The following ARHGEF26 variants were observed in gnomAD, a reference collection of about 807,000 sequenced individuals.
The protein encoded by ARHGEF26 is Rho guanine nucleotide exchange factor 26.
In ARHGEF26, 59 loss-of-function variants were observed where a neutral mutation model predicts 89.4. The observed-to-expected ratio is 0.66, with a 90% CI of 0.54 to 0.82. The LOEUF is 0.82. Ranked by LOEUF, ARHGEF26 falls within the 40% of genes least tolerant of loss-of-function variation. The probability of loss-of-function intolerance (pLI) is 0.00; values close to 1 mark genes in which losing one functional copy is unlikely to be tolerated. For synonymous variants in ARHGEF26, 500 were observed against 428.4 expected, an observed-to-expected ratio of 1.17 and a Z score of -2.06; for missense variants, 1,234 against 1,085.6, an observed-to-expected ratio of 1.14 and a Z score of -1.92.
At chr3:154,201,690 G>A (rs1714651596) in intron 9 of ARHGEF26, among the ~76,000 whole-genome samples, 1 of 151,448 alleles carries the variant, frequency 6.6e-6, no homozygotes, top group South Asian at 2.1e-4. Flanking sequence ...TTTAATGATT[G>A]CCATTCTAAC....
chr3:154,214,228 T>C (rs1026245497), intron 9 of ARHGEF26, among the ~76,000 whole-genome samples: 1 of 152,178 alleles, frequency 6.6e-6, no homozygotes, highest in African/African-American at 2.4e-5. Context: ...AGGGAGCCTT[T>C]TAAGGATTTC....
chr3:154,189,837 T>C (rs905461631), intron 7 of ARHGEF26, among the ~76,000 whole-genome samples: 2 of 151,776 alleles, frequency 1.3e-5, no homozygotes, highest in Non-Finnish European at 2.9e-5. Context: ...GTTTTTGTTT[T>C]TTTTTTTTAA....
intron 12 of ARHGEF26, among the ~76,000 whole-genome samples, chr3:154,245,867 G>C (rs976074971): frequency 1.3e-5 from 2 of 152,174 alleles, no homozygotes; most frequent in Non-Finnish European, 2.9e-5. Context: ...ACCATACGGA[G>C]ATCAGATCTC....
At chr3:154,210,312 G>A (rs1448937727) in intron 9 of ARHGEF26, among the ~76,000 whole-genome samples, 1 of 151,906 alleles carries the variant, frequency 6.6e-6, no homozygotes, top group Non-Finnish European at 1.5e-5. Flanking sequence ...ATAGTACCTG[G>A]GTATCCAAGC....
At chr3:154,230,610 T>G (rs1716773608) in intron 11 of ARHGEF26, among the ~76,000 whole-genome samples, 1 of 152,162 alleles carries the variant, frequency 6.6e-6, no homozygotes, top group Non-Finnish European at 1.5e-5. Flanking sequence ...TTGTGAGTTT[T>G]CCTCTGCCAT....
chr3:154,226,660 T>TACACACACACACACACACAC (rs3029724), intron 11 of ARHGEF26, among the ~76,000 whole-genome samples: 134 of 148,148 alleles, frequency 9.0e-4, no homozygotes, highest in South Asian at 2.2e-3. Flanking sequence ...GTTTCTGTTC[T>TACACACACACACACACACAC]ACACACACAC....
chr3:154,208,425 T>G (rs925696112), intron 9 of ARHGEF26, among the ~76,000 whole-genome samples: 2 of 152,190 alleles, frequency 1.3e-5, no homozygotes, highest in African/African-American at 4.8e-5. Context: ...GTAGTCTTTT[T>G]TGGGTTAAAT....
intron 6 of ARHGEF26, among the ~76,000 whole-genome samples, chr3:154,168,901 G>T (rs1712223191): frequency 9.1e-6 from 1 of 109,524 alleles, no homozygotes; most frequent in Admixed American, 8.6e-5. Flanking sequence ...ACTTTATTTT[G>T]TCCACTTAGA....
chr3:154,195,147 G>A (rs984704473), intron 9 of ARHGEF26, among the ~76,000 whole-genome samples: 1 of 152,206 alleles, frequency 6.6e-6, no homozygotes, highest in African/African-American at 2.4e-5. Flanking sequence ...TGGGTGATGT[G>A]ATAGGGAAGT....
At chr3:154,200,604 G>C (rs545610284) in intron 9 of ARHGEF26, among the ~76,000 whole-genome samples, 19 of 151,876 alleles carry the variant, frequency 1.3e-4, no homozygotes, top group African/African-American at 4.6e-4. Flanking sequence ...AATGTCATTG[G>C]TATTTTGTTA....
Position 154,152,835 on chromosome 3 carries a change from A to G in ARHGEF26, c.1390A>G (p.Met464Val). The G allele has an allele frequency of 6.3e-7, 1 of 1,576,860 alleles. No homozygotes were observed. The highest frequency in any genetic ancestry group is 8.6e-7 in the Non-Finnish European group (1 of 1,160,188). Residue 464 changes from methionine (M) to valine (V), a missense_variant, in exon 6 of 15, where the codon ATG becomes GTG. Transcript: ENST00000465093. ...ACTCAGCTTGGAGATCTTGATACGA[A>G]TGTTTAAAAATTCTAAAGAACTGAG... The part of the protein sequence containing the change: ...YLLSLEILIR[M>V]FKNSKELSDT...
chr3:154,151,315 G>T (rs1316541762), intron 5 of ARHGEF26, among the ~76,000 whole-genome samples: 1 of 152,134 alleles, frequency 6.6e-6, no homozygotes, highest in Non-Finnish European at 1.5e-5. Context: ...TTAAAATGTT[G>T]AATTCAGCAA....
chr3:154,224,879 A>T (rs1716392521), intron 10 of ARHGEF26, among the ~76,000 whole-genome samples: 1 of 152,086 alleles, frequency 6.6e-6, no homozygotes, highest in Non-Finnish European at 1.5e-5. Flanking sequence ...TAGCCTTCTC[A>T]TTTCCTCTCT....
At chr3:154,234,537 AT>A (rs1716995106) in intron 11 of ARHGEF26, among the ~76,000 whole-genome samples, 1 of 152,144 alleles carries the variant, frequency 6.6e-6, no homozygotes, top group African/African-American at 2.4e-5. Flanking sequence ...TGGGATCAAC[AT>A]TTTAAAAAAA....
At chr3:154,248,157 TC>T (rs1484335317) in intron 12 of ARHGEF26, among the ~76,000 whole-genome samples, 1 of 152,240 alleles carries the variant, frequency 6.6e-6, no homozygotes, top group East Asian at 1.9e-4. Flanking sequence ...ACACAAACTT[TC>T]CTCACTCATT....
At chr3:154,240,963 C>G (rs1717452253) in intron 12 of ARHGEF26, among the ~76,000 whole-genome samples, 1 of 152,176 alleles carries the variant, frequency 6.6e-6, no homozygotes. Flanking sequence ...TAATGGAATT[C>G]AGGTCGTTTC....
rs1559933148 is a variant in ARHGEF26 at position 154,255,935 on chromosome 3, C to CT, written c.*469dup. ...TAAATATTTCCCTGCCTTTTTTTTT[C>CT]TTTTTTTACATCTGATTTTAATGCT... On this transcript the variant is annotated 3_prime_UTR_variant, in exon 15 of 15. Coordinates refer to ENST00000465093, the MANE Select transcript of ARHGEF26 (RefSeq NM_015595.4). 6.1e-6 allele frequency: 6 copies of CT among 984,042 alleles called. No individual in the cohort carries two copies. The highest frequency in any genetic ancestry group is 9.4e-5 in the South Asian group (2 of 21,244). 61.0% of individuals were successfully genotyped at this position (984,042 alleles called of 1,614,324 possible). A position where few individuals can be genotyped will look rare whatever the true frequency, so the allele number is the denominator to read the frequency against.
intron 9 of ARHGEF26, among the ~76,000 whole-genome samples, chr3:154,206,844 A>G (rs772157168): frequency 3.9e-5 from 6 of 152,318 alleles, no homozygotes; most frequent in Non-Finnish European, 5.9e-5. Flanking sequence ...GAGGCATCAC[A>G]GTACCTGACT....
intron 10 of ARHGEF26, among the ~76,000 whole-genome samples, chr3:154,224,368 G>C (rs1315838438): frequency 1.3e-5 from 2 of 152,188 alleles, no homozygotes; most frequent in Non-Finnish European, 2.9e-5. Context: ...CCCTAGTGGA[G>C]TATGAGGACT....
Sources: gnomAD v4.1 joint callset for allele counts (sites outside exome capture counted in the v4.1 genomes callset) on GRCh38, gnomAD v4.1.1 for gene constraint, MANE v1.5 for transcripts, NCBI Gene and HGNC (gene_info 2026-07-23, HGNC 2026-07-21) for gene names.